Variants in RGS6 observed in about 807,000 individuals in gnomAD.
RGS6 encodes the protein regulator of G protein signaling 6, also known as regulator of G-protein signaling 6.
A neutral mutation model predicts 78.5 loss-of-function variants in RGS6; 30 were observed. The ratio of observed to expected loss-of-function variants is 0.38; its 90% CI spans 0.29 to 0.52. RGS6 has a LOEUF of 0.52. Ranked by LOEUF, RGS6 falls within the 20% of genes least tolerant of loss-of-function variation. The pLI is 0.85. For missense variants in RGS6, 495 were observed against 609.7 expected, an observed-to-expected ratio of 0.81 and a Z score of 1.98; for synonymous variants, 206 against 206.0, an observed-to-expected ratio of 1.00 and a Z score of 0.00.
intron 15 of RGS6, among the ~76,000 whole-genome samples, chr14:72,534,126 C>G (rs1336048664): frequency 2.0e-5 from 3 of 152,198 alleles, no homozygotes; most frequent in Non-Finnish European, 4.4e-5. Flanking sequence ...ACAGTCACCT[C>G]GGCCTTCGGC....
intron 2 of RGS6, among the ~76,000 whole-genome samples, chr14:72,224,294 C>G (rs2047570237): frequency 6.6e-6 from 1 of 151,960 alleles, no homozygotes; most frequent in Non-Finnish European, 1.5e-5. Flanking sequence ...GTGGCATGCA[C>G]CCAGTCTCAG....
At chr14:72,129,568 C>T (rs2096272348) in intron 2 of RGS6, among the ~76,000 whole-genome samples, 1 of 152,182 alleles carries the variant, frequency 6.6e-6, no homozygotes, top group African/African-American at 2.4e-5. Context: ...TCCTTGACAT[C>T]TGTTCTGCAG....
chr14:72,009,996 G>A (rs2085350569), intron 2 of RGS6, among the ~76,000 whole-genome samples: 1 of 152,206 alleles, frequency 6.6e-6, no homozygotes, highest in South Asian at 2.1e-4. Context: ...CAATCGCAGT[G>A]GCAGCAGCCT....
intron 3 of RGS6, among the ~76,000 whole-genome samples, chr14:72,409,363 G>A (rs2093211356): frequency 1.3e-5 from 2 of 152,128 alleles, no homozygotes; most frequent in African/African-American, 4.8e-5. Flanking sequence ...TGTTAGAGTA[G>A]AAAGTCCCTA....
the RGS6 span, among the ~76,000 whole-genome samples, chr14:71,925,161 A>G: frequency 3.3e-5 from 5 of 152,148 alleles, no homozygotes; most frequent in South Asian, 6.2e-4. Flanking sequence ...TTCTCTGATG[A>G]TTTAATGATG....
intron 3 of RGS6, among the ~76,000 whole-genome samples, chr14:72,424,714 T>C (rs757606406): frequency 1.3e-5 from 2 of 152,232 alleles, no homozygotes; most frequent in African/African-American, 2.4e-5. Context: ...CACGGATATT[T>C]GCATTAGTAT....
chr14:72,196,297 A>G (rs1269153342), intron 2 of RGS6, among the ~76,000 whole-genome samples: 5 of 152,148 alleles, frequency 3.3e-5, no homozygotes, highest in Non-Finnish European at 7.4e-5. Context: ...AGAGGCTGTC[A>G]GATTAACCAG....
chr14:72,455,934 C>T (rs1202846240), intron 4 of RGS6, among the ~76,000 whole-genome samples: 1 of 152,248 alleles, frequency 6.6e-6, no homozygotes, highest in East Asian at 1.9e-4. Flanking sequence ...CTAAAATAAT[C>T]GTTGTATTTC....
intron 13 of RGS6, among the ~76,000 whole-genome samples, chr14:72,506,731 T>G (rs1308216964): frequency 6.6e-6 from 1 of 152,152 alleles, no homozygotes; most frequent in Non-Finnish European, 1.5e-5. Context: ...AAAATTCATG[T>G]CTTTCCCAGA....
intron 2 of RGS6, among the ~76,000 whole-genome samples, chr14:72,228,421 T>G (rs2153806126): frequency 6.6e-6 from 1 of 152,110 alleles, no homozygotes; most frequent in East Asian, 1.9e-4. Context: ...AATACAGAAG[T>G]AGGTTACCAT....
At chr14:72,619,504 T>A in the RGS6 span, 1 of 955,794 alleles carries the variant, frequency 1.0e-6, no homozygotes, top group Non-Finnish European at 1.5e-6. Context: ...CCTGAAAACG[T>A]GCCAGAGTCT....
chr14:72,237,154 C>T lies in RGS6; in HGVS notation c.85-114941C>T, dbSNP rs184155086. 1.3e-4 allele frequency among the ~76,000 whole-genome samples: 20 copies of T among 152,266 alleles called. No individual in the cohort carries two copies. In the East Asian group the frequency reaches 2.7e-3, roughly 21 times the overall value. On this transcript the variant is annotated intron_variant, in intron 2 of 17. Coordinates refer to ENST00000553525, the MANE Select transcript of RGS6 (RefSeq NM_001204424.2). The stretch of plus-strand genomic sequence containing the variant: ...CACGCAGCACATTTTTGAAATTCAT[C>T]TATTTTTGTTTGCATATGTCAGTAA...
At chr14:72,551,991 A>G (rs983478039) in intron 17 of RGS6, among the ~76,000 whole-genome samples, 3 of 152,268 alleles carry the variant, frequency 2.0e-5, no homozygotes, top group African/African-American at 7.2e-5. Context: ...TAACAGGTGT[A>G]GCTCTTAGAA....
At chr14:72,383,690 C>T (rs1267776358) in intron 3 of RGS6, among the ~76,000 whole-genome samples, 1 of 152,094 alleles carries the variant, frequency 6.6e-6, no homozygotes, top group Non-Finnish European at 1.5e-5. Context: ...TAATTTCTCT[C>T]ACTTAATTCC....
intron 2 of RGS6, among the ~76,000 whole-genome samples, chr14:72,121,265 G>C (rs1400167249): frequency 6.6e-6 from 1 of 152,202 alleles, no homozygotes; most frequent in Non-Finnish European, 1.5e-5. Context: ...GGCAAACACA[G>C]CTACACTTTT....
chr14:72,001,504 AC>A (rs1340841591), intron 2 of RGS6, among the ~76,000 whole-genome samples: 15 of 141,618 alleles, frequency 1.1e-4, no homozygotes, highest in South Asian at 6.4e-4. Flanking sequence ...ACACACACAC[AC>A]ACACACACAC....
chr14:72,412,034 A>G (rs958968014), intron 3 of RGS6, among the ~76,000 whole-genome samples: 1 of 151,716 alleles, frequency 6.6e-6, no homozygotes, highest in Admixed American at 6.6e-5. Context: ...TTCTCTTTTT[A>G]TGTGGTGTCT....
intron 2 of RGS6, among the ~76,000 whole-genome samples, chr14:72,121,405 C>G (rs1176470780): frequency 6.6e-6 from 1 of 152,184 alleles, no homozygotes; most frequent in Non-Finnish European, 1.5e-5. Flanking sequence ...ACACCAGTGG[C>G]TTCCATTGTA....
In RGS6 at chr14:72,540,999, C is replaced by G; in HGVS notation, c.1422+905C>G. On this transcript the variant is annotated intron_variant, in intron 17 of 17. Coordinates refer to ENST00000553525, the MANE Select transcript of RGS6 (RefSeq NM_001204424.2). Reference sequence around the variant, plus strand: ...CACAGGCCAATCTCCTCTTTCCATGCTGGTCGGCCCAAGATTTGAACATTG... The same window carrying G: ...CACAGGCCAATCTCCTCTTTCCATGGTGGTCGGCCCAAGATTTGAACATTG... The G allele has an allele frequency of 7.8e-6, 10 of 1,282,128 alleles. No homozygotes were observed. In the South Asian group the frequency reaches 1.3e-4, roughly 16 times the overall value. The allele number at this position is 1,282,128 out of a possible 1,614,324, so 79.4% of individuals were successfully genotyped here. A position where few individuals can be genotyped will look rare whatever the true frequency, so the allele number is the denominator to read the frequency against.
Sources: allele counts gnomAD v4.1 joint callset (sites outside exome capture counted in the v4.1 genomes callset), GRCh38; gene constraint gnomAD v4.1.1; transcripts MANE v1.5; gene names NCBI Gene and HGNC (gene_info 2026-07-23, HGNC 2026-07-21).